TEX9: variants seen among roughly 807,000 people sequenced by gnomAD.
TEX9 encodes the protein testis-expressed protein 9.
In TEX9, 74 loss-of-function variants were observed where a neutral mutation model predicts 59.6. That is an observed-to-expected ratio of 1.24 (90% confidence interval 1.03 to 1.51). The LOEUF is 1.51. Ranked by LOEUF, TEX9 falls within the 40% of genes most tolerant of loss-of-function variation. The pLI, the probability that TEX9 is intolerant of heterozygous loss-of-function variation, is 0.00. For missense variants in TEX9, 522 were observed against 447.8 expected, an observed-to-expected ratio of 1.17 and a Z score of -1.49; for synonymous variants, 186 against 152.2, an observed-to-expected ratio of 1.22 and a Z score of -1.64.
chr15:56,274,578 C>G (rs1945043632), intron 1 of TEX9: 1 of 152,124 alleles, frequency 6.6e-6, no homozygotes, highest in African/African-American at 2.4e-5. Flanking sequence ...TGCACAGGAG[C>G]CATGCTAATC....
intron 1 of TEX9, among the ~76,000 whole-genome samples, chr15:56,358,591 A>G (rs2046732406): frequency 6.6e-6 from 1 of 152,186 alleles, no homozygotes; most frequent in Non-Finnish European, 1.5e-5. Flanking sequence ...GTAGACCATT[A>G]CTGATACATT....
chr15:56,256,686 G>C (rs780680669), intron 1 of TEX9, among the ~76,000 whole-genome samples: 5 of 152,042 alleles, frequency 3.3e-5, no homozygotes, highest in Non-Finnish European at 5.9e-5. Context: ...TTAGAAATTA[G>C]AAGGGGATAT....
At chr15:56,267,137 T>A (rs1214494966) in intron 1 of TEX9, among the ~76,000 whole-genome samples, 8 of 152,240 alleles carry the variant, frequency 5.3e-5, no homozygotes, top group Admixed American at 1.3e-4. Context: ...TTGAAAAGTG[T>A]CTGTTCATGT....
intron 10 of TEX9, among the ~76,000 whole-genome samples, chr15:56,413,214 T>G (rs1177574324): frequency 6.9e-6 from 1 of 145,886 alleles, no homozygotes; most frequent in Non-Finnish European, 1.5e-5. Flanking sequence ...ATTTAATAAT[T>G]AAATAATTTA....
At chr15:56,256,035 A>G (rs1247815024) in intron 1 of TEX9, among the ~76,000 whole-genome samples, 1 of 151,942 alleles carries the variant, frequency 6.6e-6, no homozygotes, top group African/African-American at 2.4e-5. Context: ...TAATAAGCAA[A>G]TTGTTTATAA....
At chr15:56,297,295 G>C (rs960585109) in intron 1 of TEX9, among the ~76,000 whole-genome samples, 2 of 152,156 alleles carry the variant, frequency 1.3e-5, no homozygotes, top group Non-Finnish European at 2.9e-5. Flanking sequence ...CGTCTCTTAA[G>C]TACTGGTAAG....
At chr15:56,244,465 A>T (rs2043790238) in intron 1 of TEX9, among the ~76,000 whole-genome samples, 1 of 151,996 alleles carries the variant, frequency 6.6e-6, no homozygotes, top group Admixed American at 6.5e-5. Context: ...AGCGGCCTCC[A>T]TCCCCCTGCA....
chr15:56,383,095 T>C (rs1456667366), intron 3 of TEX9, among the ~76,000 whole-genome samples: 2 of 152,228 alleles, frequency 1.3e-5, no homozygotes, highest in African/African-American at 4.8e-5. Flanking sequence ...TTCCTCTGGC[T>C]ATAGCTGGTC....
chr15:56,321,154 A>C (rs557641462), intron 1 of TEX9, among the ~76,000 whole-genome samples: 3 of 152,162 alleles, frequency 2.0e-5, no homozygotes, highest in African/African-American at 7.2e-5. Flanking sequence ...AGTAGATGCG[A>C]ATGATTAGTG....
intron 1 of TEX9, among the ~76,000 whole-genome samples, chr15:56,351,863 C>G (rs1458756866): frequency 6.6e-6 from 1 of 152,092 alleles, no homozygotes; most frequent in Non-Finnish European, 1.5e-5. Flanking sequence ...GTTGAGTTCT[C>G]TACAAAATGC....
chr15:56,261,515 C>T (rs908147076), intron 1 of TEX9, among the ~76,000 whole-genome samples: 17 of 151,866 alleles, frequency 1.1e-4, no homozygotes, highest in African/African-American at 3.9e-4. Flanking sequence ...GTCAGGAGTT[C>T]GAGACCAGCC....
At chr15:56,412,307 A>C in exon 10 of TEX9, 1 of 1,604,930 alleles carries the variant, frequency 6.2e-7, no homozygotes, top group African/African-American at 1.3e-5. Context: ...TACAGGAATT[A>C]GAAAATAAAA....
intron 1 of TEX9, among the ~76,000 whole-genome samples, chr15:56,318,862 A>G (rs1200487231): frequency 6.6e-6 from 1 of 152,100 alleles, no homozygotes; most frequent in East Asian, 1.9e-4. Flanking sequence ...ATTATATTAT[A>G]AACCCATCAA....
At chr15:56,333,564 A>G (rs1428535830) in intron 1 of TEX9, among the ~76,000 whole-genome samples, 2 of 152,080 alleles carry the variant, frequency 1.3e-5, no homozygotes, top group African/African-American at 2.4e-5. Flanking sequence ...CATAGATAGT[A>G]TATCACGCTG....
At chr15:56,292,511 T>C (rs2045118599) in intron 1 of TEX9, among the ~76,000 whole-genome samples, 1 of 152,180 alleles carries the variant, frequency 6.6e-6, no homozygotes, top group Admixed American at 6.5e-5. Flanking sequence ...GGAAGGGCCT[T>C]AGACCTTTTG....
At chr15:56,431,470 T>C in intron 12 of TEX9, 1 of 1,613,586 alleles carries the variant, frequency 6.2e-7, no homozygotes, top group Non-Finnish European at 8.5e-7. Context: ...CCGCCTTTGC[T>C]GCAACTGCCA....
intron 12 of TEX9, chr15:56,429,480 T>C (rs533654983): frequency 3.5e-6 from 1 of 289,516 alleles, no homozygotes; most frequent in South Asian, 4.7e-5. Context: ...ATTACCTAGA[T>C]AGGAAGGCAC....
chr15:56,349,932 T>A (rs1455825191), intron 1 of TEX9, among the ~76,000 whole-genome samples: 10 of 152,124 alleles, frequency 6.6e-5, no homozygotes, highest in Non-Finnish European at 1.5e-5. Flanking sequence ...AAAGAACATC[T>A]GTTCATTTGT....
At chr15:56,294,278 C>A (rs1313435200) in intron 1 of TEX9, among the ~76,000 whole-genome samples, 1 of 152,232 alleles carries the variant, frequency 6.6e-6, no homozygotes, top group East Asian at 1.9e-4. Flanking sequence ...CTTGTCCATT[C>A]AGATTGTAGC....
Sources: allele counts gnomAD v4.1 joint callset (sites outside exome capture counted in the v4.1 genomes callset), GRCh38; gene constraint gnomAD v4.1.1; transcripts MANE v1.5; gene names NCBI Gene and HGNC (gene_info 2026-07-23, HGNC 2026-07-21).